CENPP: variants seen among roughly 807,000 people sequenced by gnomAD.
The protein encoded by CENPP is centromere protein P.
CENPP carries 24 observed loss-of-function variants against 35.6 expected under a neutral mutation model. The observed-to-expected ratio is 0.67, with a 90% confidence interval of 0.49 to 0.95. The LOEUF (loss-of-function observed/expected upper bound fraction) is 0.95, where lower values mean the gene tolerates loss of function less well. CENPP is among the 40% of genes least tolerant of loss of function. CENPP has a pLI of 0.00. For synonymous variants in CENPP, 120 were observed against 125.5 expected (o/e 0.96, Z 0.29); for missense variants, 332 against 345.3 (o/e 0.96, Z 0.31).
At chr9:92,415,249 C>G in intron 5 of CENPP, 1 of 1,613,778 alleles carries the variant, frequency 6.2e-7, no homozygotes. Context: ...GTGATCTTCA[C>G]TTTCATCATC....
At chr9:92,393,011 A>T in intron 5 of CENPP, 1 of 1,183,190 alleles carries the variant, frequency 8.5e-7, no homozygotes, top group Non-Finnish European at 1.2e-6. Flanking sequence ...GGCAGCAACT[A>T]TATAGAAACT....
At chr9:92,517,557 A>G in intron 5 of CENPP, 1 of 1,234,738 alleles carries the variant, frequency 8.1e-7, no homozygotes, top group East Asian at 2.3e-5. Flanking sequence ...GTTAATCAGC[A>G]TTTTGCCAAT....
intron 5 of CENPP, among the ~76,000 whole-genome samples, chr9:92,546,674 T>C (rs1348531638): frequency 2.0e-5 from 3 of 152,158 alleles, no homozygotes; most frequent in Non-Finnish European, 2.9e-5. Flanking sequence ...ACACTCACCG[T>C]GAGGGTCCGC....
At chr9:92,505,625 AAGGATTG>A in intron 5 of CENPP, 2 of 1,610,516 alleles carry the variant, frequency 1.2e-6, no homozygotes, top group Non-Finnish European at 1.7e-6. Flanking sequence ...TTGAAAGCTA[AAGGATTG>A]ACATTGGCTT....
At chr9:92,471,664 C>A (rs1018437347) in intron 5 of CENPP, among the ~76,000 whole-genome samples, 7 of 135,760 alleles carry the variant, frequency 5.2e-5, no homozygotes, top group African/African-American at 1.4e-4. Flanking sequence ...ATATATTATT[C>A]TTTTTTTTTT....
intron 4 of CENPP, among the ~76,000 whole-genome samples, chr9:92,361,799 G>A (rs765586417): frequency 1.4e-4 from 22 of 152,230 alleles, no homozygotes; most frequent in Non-Finnish European, 2.8e-4. Context: ...GCAGTTTTAA[G>A]TTTAGAGATA....
intron 5 of CENPP, among the ~76,000 whole-genome samples, chr9:92,587,902 G>C (rs970937937): frequency 1.3e-5 from 2 of 152,166 alleles, no homozygotes; most frequent in Non-Finnish European, 2.9e-5. Context: ...AAGGTGGGCA[G>C]ATCGCTTGAG....
intron 1 of CENPP, among the ~76,000 whole-genome samples, chr9:92,326,384 C>T (rs1243523067): frequency 1.3e-5 from 2 of 152,228 alleles, no homozygotes; most frequent in Admixed American, 6.5e-5. Context: ...GATAATTCCG[C>T]CTCCAGTATG....
At chr9:92,560,838 A>C (rs1849830497) in intron 5 of CENPP, among the ~76,000 whole-genome samples, 1 of 149,548 alleles carries the variant, frequency 6.7e-6, no homozygotes, top group South Asian at 2.1e-4. Context: ...GTGGCTCCAA[A>C]CCTATCTATG....
chr9:92,443,898 G>C (rs1034144855), intron 5 of CENPP, among the ~76,000 whole-genome samples: 2 of 152,056 alleles, frequency 1.3e-5, no homozygotes, highest in Admixed American at 1.3e-4. Flanking sequence ...CCTGACCTCA[G>C]GCAGTCCACC....
chr9:92,434,961 AG>A (rs1296136727), intron 5 of CENPP, among the ~76,000 whole-genome samples: 2 of 152,174 alleles, frequency 1.3e-5, no homozygotes, highest in African/African-American at 4.8e-5. Context: ...CTGAGGCAGG[AG>A]AATTGCTTGA....
intron 5 of CENPP, among the ~76,000 whole-genome samples, chr9:92,457,760 CT>C (rs1844935373): frequency 6.6e-6 from 1 of 152,128 alleles, no homozygotes; most frequent in African/African-American, 2.4e-5. Flanking sequence ...CTCTCTCTCT[CT>C]CCAGATAGAT....
At chr9:92,395,474 T>G (rs1842857163) in intron 5 of CENPP, among the ~76,000 whole-genome samples, 1 of 152,244 alleles carries the variant, frequency 6.6e-6, no homozygotes, top group Non-Finnish European at 1.5e-5. Context: ...CAAAGAAATT[T>G]ATGTGTAAGT....
At chr9:92,611,130 A>G in intron 5 of CENPP, 184 bp from the exon 6 acceptor site, 2 of 622,924 alleles carry the variant, frequency 3.2e-6, no homozygotes, top group Non-Finnish European at 5.8e-6. Context: ...GGCTGTGGAG[A>G]GACCTACAGT....
At chr9:92,612,110 A>G (rs930855500) in intron 6 of CENPP, among the ~76,000 whole-genome samples, 4 of 152,166 alleles carry the variant, frequency 2.6e-5, no homozygotes, top group African/African-American at 9.7e-5. Flanking sequence ...TCTGGCTCAC[A>G]CCTCCTGGCA....
Position 92,430,492 on chromosome 9 carries a change from G to T in CENPP, c.564+50633G>T, listed in dbSNP as rs75293837. On this transcript the variant is annotated intron_variant, in intron 5 of 7. Transcript: ENST00000375587. ...CTGCTTCAGTCGCCCGAGTAGCTGG[G>T]ATTACAGGCACCCACAACTACACCT... 4.8e-3 allele frequency among the ~76,000 whole-genome samples: 728 copies of T among 151,502 alleles called. 4 individuals carry two copies. Among genetic ancestry groups the T allele is most frequent in the African/African-American group, 0.015 (634 of 41,286 alleles).
intron 5 of CENPP, among the ~76,000 whole-genome samples, chr9:92,450,650 A>G (rs1308876372): frequency 6.6e-6 from 1 of 152,188 alleles, no homozygotes; most frequent in Non-Finnish European, 1.5e-5. Flanking sequence ...TTCTAGTTCC[A>G]GATCTCTGGG....
chr9:92,555,269 C>CCAAG lies in CENPP; in HGVS notation c.565-56043_565-56040dup, dbSNP rs1225306044. On this transcript the variant is annotated intron_variant, in intron 5 of 7. Coordinates refer to ENST00000375587, the MANE Select transcript of CENPP (RefSeq NM_001012267.3). ...TTAGATGGAGTTTCGCTCTTGTTGTCCAAGCTGGAGTACAATGGCGTGATC... is the reference window on the plus strand; with the variant it reads ...TTAGATGGAGTTTCGCTCTTGTTGTCCAAGCAAGCTGGAGTACAATGGCGTGATC... Among the ~76,000 whole-genome samples, 3 of 109,098 alleles carry CCAAG rather than the reference C, an allele frequency of 2.7e-5. 1 individual carries two copies. The South Asian group carries it at 9.6e-4, about 35-fold the overall frequency. The allele number at this position is 109,098 out of a possible 152,430, so 71.6% of individuals were successfully genotyped here. A position where few individuals can be genotyped will look rare whatever the true frequency, so the allele number is the denominator to read the frequency against.
chr9:92,430,772 T>TTTGTTG (rs529838846), intron 5 of CENPP, among the ~76,000 whole-genome samples: 2 of 152,004 alleles, frequency 1.3e-5, no homozygotes, highest in Non-Finnish European at 2.9e-5. Context: ...TATGGTTTCT[T>TTTGTTG]TTGTTGTTGT....
Sources: gnomAD v4.1 joint callset for allele counts (sites outside exome capture counted in the v4.1 genomes callset) on GRCh38, gnomAD v4.1.1 for gene constraint, MANE v1.5 for transcripts, NCBI Gene and HGNC (gene_info 2026-07-23, HGNC 2026-07-21) for gene names.